RBM12: variants seen among roughly 807,000 people sequenced by gnomAD.
The protein encoded by RBM12 is RNA binding motif protein 12.
Under a neutral mutation model 37.2 loss-of-function variants are expected in RBM12, and 24 were observed. The ratio of observed to expected loss-of-function variants is 0.65; its 90% confidence interval spans 0.47 to 0.91. RBM12 has a LOEUF of 0.91. Among genes scored for constraint, RBM12 ranks in the 40% least tolerant of loss-of-function variants. The probability of loss-of-function intolerance (pLI) is 0.00; values close to 1 mark genes in which losing one functional copy is unlikely to be tolerated. For synonymous variants in RBM12, 420 were observed against 425.2 expected, an observed-to-expected ratio of 0.99 and a Z score of 0.15; for missense variants, 1,061 against 1,183.2, an observed-to-expected ratio of 0.90 and a Z score of 1.52.
Position 35,655,073 on chromosome 20 carries a change from C to T in RBM12, c.250G>A (p.Glu84Lys), listed in dbSNP as rs1341066412. The part of the protein sequence containing the change: ...SSKTEMQNMI[E>K]LSRRRFETAN... Reference sequence around the variant, plus strand: ...GTTTCAAAACGCCTACGACTCAGTTCAATCATATTCTGCATTTCCGTCTTA... The same window carrying T: ...GTTTCAAAACGCCTACGACTCAGTTTAATCATATTCTGCATTTCCGTCTTA... Residue 84 changes from glutamate to lysine, a missense_variant, in exon 3 of 3, where the codon GAA (glutamate) becomes AAA (lysine). Around this residue, in one of 3 missense-constraint regions of RBM12, gnomAD observed 540 missense variants for 632.7 expected, o/e 0.85. Transcript: ENST00000374114. 1 of 1,613,988 alleles carries T rather than the reference C, an allele frequency of 6.2e-7. No homozygotes were observed. Among genetic ancestry groups the T allele is most frequent in the Non-Finnish European group, 8.5e-7 (1 of 1,180,026 alleles).
chr20:35,660,764 A>C (rs62211674), intron 1 of RBM12, among the ~76,000 whole-genome samples: 123 of 152,328 alleles, frequency 8.1e-4, no homozygotes, highest in African/African-American at 1.6e-3. Context: ...CCAATTCAAA[A>C]GGTCAGGTAT....
chr20:35,658,568 G>A (rs1443875328), intron 2 of RBM12, among the ~76,000 whole-genome samples: 1 of 152,052 alleles, frequency 6.6e-6, no homozygotes, highest in East Asian at 1.9e-4. Flanking sequence ...AGACCAGCCT[G>A]GCCAAGAGGA....
At chr20:35,661,729 ATGTC>A (rs1299996105) in intron 1 of RBM12, among the ~76,000 whole-genome samples, 4 of 152,222 alleles carry the variant, frequency 2.6e-5, no homozygotes, top group South Asian at 2.1e-4. Flanking sequence ...TCAGAAAAAA[ATGTC>A]TGACAACAAA....
At chr20:35,656,352 A>G (rs961834726) in intron 2 of RBM12, among the ~76,000 whole-genome samples, 1 of 152,182 alleles carries the variant, frequency 6.6e-6, no homozygotes, top group African/African-American at 2.4e-5. Context: ...GACATAATCA[A>G]AAAAGAAATG....
chr20:35,662,222 ATTAAG>A (rs754361719), intron 1 of RBM12, among the ~76,000 whole-genome samples: 6 of 152,220 alleles, frequency 3.9e-5, no homozygotes, highest in South Asian at 4.1e-4. Flanking sequence ...TGTCAAAAAT[ATTAAG>A]TTATGTTTCA....
Position 35,652,583 on chromosome 20 carries a change from C to G in RBM12, c.2740G>C (p.Val914Leu). Residue 914 changes from valine to leucine, a missense_variant, in exon 3 of 3, where the codon GTC becomes CTC. Val to Leu is a conservative substitution (Grantham distance 32, BLOSUM62 1). Transcript: ENST00000374114. ...ATAGGCCTGTCATTTAAGTCAATGA[C>G]AGCAGCTGTGGCTTCATCCCGAGAC... ...FESRDEATAAVIDLNDRPIGS... is the reference protein window; with the variant it reads ...FESRDEATAALIDLNDRPIGS... 2 of 1,614,208 alleles carry G rather than the reference C, an allele frequency of 1.2e-6. No homozygotes were observed. Among genetic ancestry groups the G allele is most frequent in the Non-Finnish European group, 1.7e-6 (2 of 1,180,030 alleles).
Position 35,654,029 on chromosome 20 carries a change from C to T in RBM12, c.1294G>A (p.Val432Ile). Residue 432 changes from valine to isoleucine, a missense_variant, in exon 3 of 3, where the codon GTT becomes ATT. Val to Ile is a conservative substitution (Grantham distance 29, BLOSUM62 3). Transcript: ENST00000374114. ...SRSPHEAGFC[V>I]YLKGLPFEAE... is the part of the protein sequence containing the mutation. ...TCAAATGGTAGCCCTTTCAAGTAAACACAAAAACCAGCCTCATGTGGTGAT... is the reference window on the plus strand; with the variant it reads ...TCAAATGGTAGCCCTTTCAAGTAAATACAAAAACCAGCCTCATGTGGTGAT... 2 of 1,614,194 alleles carry T rather than the reference C, an allele frequency of 1.2e-6. No individual in the cohort carries two copies. Among genetic ancestry groups the T allele is most frequent in the Non-Finnish European group, 8.5e-7 (1 of 1,180,028 alleles).
intron 1 of RBM12, 127 bp from the exon 2 acceptor site, chr20:35,659,141 A>G: frequency 3.0e-6 from 1 of 330,028 alleles, no homozygotes. Flanking sequence ...TGCATATCAA[A>G]AAAAAAAAAA....
At position 35,649,009 on chromosome 20, in the gene RBM12, A is replaced by G. The variant is rs2146330552; in HGVS notation, c.*3515T>C. ...TATTCAAGACTTCATCTTTATAAAC[A>G]AAAACCTCTGCTGAGTGATGCCAAG... On this transcript the variant is annotated 3_prime_UTR_variant, in exon 3 of 3. Transcript: ENST00000374114. 1 of 152,804 alleles carries G rather than the reference A, an allele frequency of 6.5e-6. No homozygotes were observed. The highest frequency in any genetic ancestry group is 2.1e-4 in the South Asian group (1 of 4,832). 9.5% of individuals were successfully genotyped at this position (152,804 alleles called of 1,614,324 possible).
Position 35,652,813 on chromosome 20 carries a change from G to T in RBM12, c.2510C>A (p.Pro837Gln), listed in dbSNP as rs755833450. 11 of 1,604,394 alleles carry T rather than the reference G, an allele frequency of 6.9e-6. No individual in the cohort carries two copies. The Admixed American group carries it at 1.6e-4, about 23-fold the overall frequency. ...PGPGPGPGPGPIHIGGPPGFA... is the reference protein window; with the variant it reads ...PGPGPGPGPGQIHIGGPPGFA... ...GCCAGGGGGACCACCAATATGGATT[G>T]GGCCAGGGCCGGGGCCGGGGCCGGG... The change falls in exon 3 of 3, where the codon CCA becomes CAA. Residue 837 changes from proline (P) to glutamine (Q), a missense_variant. Coordinates refer to ENST00000374114, the MANE Select transcript of RBM12 (RefSeq NM_006047.6).
rs1253810155 is a variant in RBM12, at chr20:35,655,292, G to T, written c.31C>A (p.Pro11Thr). The change falls in exon 3 of 3, where the codon CCA (proline) becomes ACA (threonine). Residue 11 changes from proline to threonine, a missense_variant. Physicochemically the swap from Pro to Thr is conservative, Grantham distance 38. Coordinates refer to ENST00000374114, the MANE Select transcript of RBM12 (RefSeq NM_006047.6). ...ATGTCCATGGTCCCCGCCACAATTG[G>T]GAGACCTTGCAAACGGATGACCACA... MAVVIRLQGL[P>T]IVAGTMDIRH... 5.0e-6 allele frequency: 8 copies of T among 1,611,394 alleles called. No homozygotes were observed. The highest frequency in any genetic ancestry group is 6.8e-6 in the Non-Finnish European group (8 of 1,179,958).
Position 35,650,833 on chromosome 20 carries a change from G to GTATA in RBM12, c.*1687_*1690dup, listed in dbSNP as rs567892980. The GTATA allele has an allele frequency of 6.6e-6, 1 of 152,286 alleles. No homozygotes were observed. Among genetic ancestry groups the GTATA allele is most frequent in the Non-Finnish European group, 1.5e-5 (1 of 67,940 alleles). The allele number at this position is 152,286 out of a possible 1,614,324, so 9.4% of individuals were successfully genotyped here. A position where few individuals can be genotyped will look rare whatever the true frequency, so the allele number is the denominator to read the frequency against. ...TGACTCACAACACCAAAAAGGCACT[G>GTATA]TATATATATATAGTTTAATAGGAAA... On this transcript the variant is annotated 3_prime_UTR_variant, in exon 3 of 3. Transcript: ENST00000374114.
intron 1 of RBM12, among the ~76,000 whole-genome samples, chr20:35,659,494 A>T (rs2034112073): frequency 6.6e-6 from 1 of 152,222 alleles, no homozygotes; most frequent in African/African-American, 2.4e-5. Context: ...TTATTCTTTC[A>T]ATATATTTTA....
intron 2 of RBM12, 90 bp downstream of exon 2, chr20:35,658,840 A>AG: frequency 1.5e-6 from 1 of 649,436 alleles, no homozygotes; most frequent in Non-Finnish European, 2.8e-6. Flanking sequence ...CACACACACA[A>AG]TATAGTTGCT....
chr20:35,654,251 C>T lies in RBM12; in HGVS notation c.1072G>A (p.Glu358Lys). ...AGCATTCTGTTTCGTTTCAAAGCTT[C>T]AAATGTATCTTGAGGGGAGAGAAAC... Reference protein sequence around the residue: ...VKFLSPQDTFEALKRNRMLMI... With the variant: ...VKFLSPQDTFKALKRNRMLMI... Residue 358 changes from glutamate (E) to lysine (K), a missense_variant, in exon 3 of 3, where the codon GAA (glutamate) becomes AAA (lysine). Glu to Lys is a moderately conservative substitution (Grantham distance 56). Coordinates refer to ENST00000374114, the MANE Select transcript of RBM12 (RefSeq NM_006047.6). The T allele has an allele frequency of 1.2e-6, 2 of 1,614,228 alleles. No homozygotes were observed. Among genetic ancestry groups the T allele is most frequent in the Non-Finnish European group, 1.7e-6 (2 of 1,180,048 alleles).
intron 1 of RBM12, among the ~76,000 whole-genome samples, chr20:35,660,233 C>T (rs747307327): frequency 6.6e-6 from 1 of 151,576 alleles, no homozygotes; most frequent in Non-Finnish European, 1.5e-5. Context: ...GACAGGGTAT[C>T]GCTCTGTCGC....
chr20:35,659,925 TACG>T (rs972302756), intron 1 of RBM12, among the ~76,000 whole-genome samples: 1 of 152,232 alleles, frequency 6.6e-6, no homozygotes, highest in African/African-American at 2.4e-5. Context: ...TAAGATTACC[TACG>T]ACTACTTTTC....
Position 35,654,530 on chromosome 20 carries a change from G to A in RBM12, c.793C>T (p.Pro265Ser), listed in dbSNP as rs1251378484. ...LPAGMNGSGA[P>S]MNLNNNLNPM... is the part of the protein sequence containing the mutation. ...TTCAGATTATTGTTCAAATTCATAGGTGCTCCAGAGCCATTCATTCCAGCA... is the reference window on the plus strand; with the variant it reads ...TTCAGATTATTGTTCAAATTCATAGATGCTCCAGAGCCATTCATTCCAGCA... Residue 265 changes from proline to serine, a missense_variant, in exon 3 of 3, where the codon CCT becomes TCT. Pro to Ser is a moderately conservative substitution (Grantham distance 74). Around this residue, in one of 3 missense-constraint regions of RBM12, gnomAD observed 540 missense variants for 632.7 expected, o/e 0.85. Coordinates refer to ENST00000374114, the MANE Select transcript of RBM12 (RefSeq NM_006047.6). The A allele has an allele frequency of 1.2e-6, 2 of 1,614,192 alleles. No homozygotes were observed. Among genetic ancestry groups the A allele is most frequent in the Non-Finnish European group, 1.7e-6 (2 of 1,180,034 alleles).
chr20:35,661,031 A>G (rs2034205001), intron 1 of RBM12, among the ~76,000 whole-genome samples: 1 of 152,240 alleles, frequency 6.6e-6, no homozygotes, highest in Non-Finnish European at 1.5e-5. Flanking sequence ...GCCTAGTTCA[A>G]GTTTTATGTG....
Sources: allele counts gnomAD v4.1 joint callset (sites outside exome capture counted in the v4.1 genomes callset), GRCh38; gene constraint gnomAD v4.1.1; regional missense constraint gnomAD v4.1.1; transcripts MANE v1.5; gene names NCBI Gene and HGNC (gene_info 2026-07-23, HGNC 2026-07-21).